Variants in RPS6KC1 observed in about 807,000 individuals in gnomAD.
The protein encoded by RPS6KC1 is ribosomal protein S6 kinase C1.
A neutral mutation model predicts 103.8 loss-of-function variants in RPS6KC1; 54 were observed. The observed-to-expected ratio is 0.52, with a 90% confidence interval of 0.42 to 0.65. RPS6KC1 has a LOEUF of 0.65. Among genes scored for constraint, RPS6KC1 ranks in the 30% least tolerant of loss-of-function variants. The pLI, the probability that RPS6KC1 is intolerant of heterozygous loss-of-function variation, is 0.00. For missense variants in RPS6KC1, 1,151 were observed against 1,253.8 expected (o/e 0.92, Z 1.24); for synonymous variants, 439 against 438.7 (o/e 1.00, Z -0.01).
chr1:213,530,609 C>T, the RPS6KC1 span, among the ~76,000 whole-genome samples: 1 of 152,220 alleles, frequency 6.6e-6, no homozygotes, highest in Non-Finnish European at 1.5e-5. Context: ...AGCATGGCCT[C>T]TTCCTGGAAT....
At chr1:213,240,217 A>T (rs2094319673) in intron 10 of RPS6KC1, among the ~76,000 whole-genome samples, 1 of 152,134 alleles carries the variant, frequency 6.6e-6, no homozygotes, top group South Asian at 2.1e-4. Flanking sequence ...CCAATCCTGG[A>T]CTGGACATTT....
chr1:213,636,989 T>C, the RPS6KC1 span, among the ~76,000 whole-genome samples: 1 of 152,224 alleles, frequency 6.6e-6, no homozygotes, highest in Non-Finnish European at 1.5e-5. Context: ...AAGACATTTA[T>C]GCAGTCAACA....
chr1:213,749,910 C>G, the RPS6KC1 span, among the ~76,000 whole-genome samples: 49,751 of 152,068 alleles, frequency 0.33, 10,744 homozygotes, highest in African/African-American at 0.62. Flanking sequence ...GGAAGGTTAG[C>G]GGGGAACATC....
At chr1:213,324,601 T>A in the RPS6KC1 span, among the ~76,000 whole-genome samples, 5 of 130,424 alleles carry the variant, frequency 3.8e-5, no homozygotes, top group South Asian at 1.3e-3. Flanking sequence ...TGCTTTTTTT[T>A]TTTTTTTTTT....
the RPS6KC1 span, among the ~76,000 whole-genome samples, chr1:213,360,912 T>C: frequency 6.6e-6 from 1 of 152,248 alleles, no homozygotes; most frequent in African/African-American, 2.4e-5. Context: ...TGATCATTTC[T>C]CTGGAGGTTT....
chr1:213,070,587 T>G (rs1466810233), intron 1 of RPS6KC1, among the ~76,000 whole-genome samples: 1 of 152,186 alleles, frequency 6.6e-6, no homozygotes, highest in Non-Finnish European at 1.5e-5. Context: ...AGGAAAGTGA[T>G]GTACAGAAAA....
At chr1:213,056,597 T>TA (rs2077348819) in intron 1 of RPS6KC1, among the ~76,000 whole-genome samples, 2 of 152,194 alleles carry the variant, frequency 1.3e-5, no homozygotes, top group African/African-American at 2.4e-5. Context: ...TCTGAAAAAT[T>TA]ACCATTTCCA....
the RPS6KC1 span, among the ~76,000 whole-genome samples, chr1:213,586,735 G>A: frequency 6.6e-6 from 1 of 152,164 alleles, no homozygotes; most frequent in Non-Finnish European, 1.5e-5. Context: ...GGAAGTAGGT[G>A]ATATGGATCC....
chr1:213,848,163 T>C, the RPS6KC1 span, among the ~76,000 whole-genome samples: 1 of 152,242 alleles, frequency 6.6e-6, no homozygotes, highest in African/African-American at 2.4e-5. Context: ...TTATATAATG[T>C]TAACTACATC....
At chr1:213,095,979 A>G (rs1340914804) in intron 3 of RPS6KC1, among the ~76,000 whole-genome samples, 1 of 152,204 alleles carries the variant, frequency 6.6e-6, no homozygotes, top group Non-Finnish European at 1.5e-5. Context: ...TGCTGTATCC[A>G]TTGACTCTTC....
intron 8 of RPS6KC1, among the ~76,000 whole-genome samples, chr1:213,228,921 T>A (rs1558584471): frequency 6.6e-6 from 1 of 152,150 alleles, no homozygotes; most frequent in Non-Finnish European, 1.5e-5. Flanking sequence ...TTCTAAATAC[T>A]TGGTATTCAG....
rs1341580520 is a variant in RPS6KC1, at chr1:213,077,810, G to C, written c.256G>C (p.Val86Leu). ...GTTTCCTCCATTTGCTAAAGGAATA[G>C]TGTTTGGTAAGTGATTATTTTGAAA... ...ELFPPFAKGI[V>L]FGRFDETVIE... Residue 86 changes from valine (V) to leucine (L), a missense_variant, in exon 3 of 15, where the codon GTG becomes CTG. Coordinates refer to ENST00000366960, the MANE Select transcript of RPS6KC1 (RefSeq NM_012424.6). 1.1e-5 allele frequency: 17 copies of C among 1,533,866 alleles called. No individual in the cohort carries two copies. The highest frequency in any genetic ancestry group is 2.0e-5 in the Admixed American group (1 of 50,022).
chr1:213,525,148 G>A, the RPS6KC1 span, among the ~76,000 whole-genome samples: 1 of 152,168 alleles, frequency 6.6e-6, no homozygotes, highest in African/African-American at 2.4e-5. Context: ...AAACTACTTA[G>A]AAGTGTATTG....
At chr1:213,142,932 C>T (rs1460316658) in intron 6 of RPS6KC1, among the ~76,000 whole-genome samples, 1 of 151,988 alleles carries the variant, frequency 6.6e-6, no homozygotes, top group Non-Finnish European at 1.5e-5. Flanking sequence ...CACTTTTTTG[C>T]AGTGGTCTGG....
chr1:213,145,804 A>G (rs2087690864), intron 6 of RPS6KC1, among the ~76,000 whole-genome samples: 1 of 151,990 alleles, frequency 6.6e-6, no homozygotes, highest in South Asian at 2.1e-4. Context: ...GCAATGTCAG[A>G]TAAGTACATC....
the RPS6KC1 span, among the ~76,000 whole-genome samples, chr1:213,854,962 G>T: frequency 1.3e-5 from 2 of 152,216 alleles, no homozygotes; most frequent in African/African-American, 4.8e-5. Flanking sequence ...CCAAGATCAA[G>T]GTTCTGGCCT....
chr1:213,859,303 C>G, the RPS6KC1 span, among the ~76,000 whole-genome samples: 1 of 152,102 alleles, frequency 6.6e-6, no homozygotes, highest in Non-Finnish European at 1.5e-5. Flanking sequence ...CCTCCCCTCG[C>G]CTGTTTATTC....
At chr1:213,554,729 T>C in the RPS6KC1 span, among the ~76,000 whole-genome samples, 1 of 152,144 alleles carries the variant, frequency 6.6e-6, no homozygotes, top group African/African-American at 2.4e-5. Context: ...ACCGTTCTGA[T>C]TATAAGTACA....
the RPS6KC1 span, among the ~76,000 whole-genome samples, chr1:213,456,256 G>A: frequency 6.6e-6 from 1 of 152,164 alleles, no homozygotes; most frequent in African/African-American, 2.4e-5. Context: ...CTGTCTAGTT[G>A]AAGAGGTTGA....
Sources: allele counts gnomAD v4.1 joint callset (sites outside exome capture counted in the v4.1 genomes callset), GRCh38; gene constraint gnomAD v4.1.1; transcripts MANE v1.5; gene names NCBI Gene and HGNC (gene_info 2026-07-23, HGNC 2026-07-21).